CSPP1: variants seen among roughly 807,000 people sequenced by gnomAD.
The protein encoded by CSPP1 is centrosome and spindle pole-associated protein 1.
A neutral mutation model predicts 164.4 loss-of-function variants in CSPP1; 126 were observed. The observed-to-expected ratio is 0.77, with a 90% confidence interval of 0.66 to 0.89. The LOEUF is 0.89. CSPP1 is among the 40% of genes least tolerant of loss of function. CSPP1 has a pLI of 0.00. For synonymous variants in CSPP1, 472 were observed against 476.7 expected, an observed-to-expected ratio of 0.99 and a Z score of 0.13; for missense variants, 1,395 against 1,449.8, an observed-to-expected ratio of 0.96 and a Z score of 0.61.
At chr8:67,088,296 G>C (rs375588229) in intron 4 of CSPP1, among the ~76,000 whole-genome samples, 2 of 150,268 alleles carry the variant, frequency 1.3e-5, no homozygotes, top group African/African-American at 4.9e-5. Flanking sequence ...TTGTTTTTTG[G>C]TTTTTTTTTG....
At chr8:67,107,950 A>G (rs1184763438) in intron 9 of CSPP1, among the ~76,000 whole-genome samples, 4 of 143,134 alleles carry the variant, frequency 2.8e-5, no homozygotes, top group Non-Finnish European at 6.1e-5. Flanking sequence ...GATTAATTTC[A>G]GTTATTTCAA....
intron 2 of CSPP1, among the ~76,000 whole-genome samples, chr8:67,075,627 C>T (rs1056257350): frequency 6.6e-6 from 1 of 152,162 alleles, no homozygotes; most frequent in African/African-American, 2.4e-5. Flanking sequence ...GGCTTTGACC[C>T]CTGGCAGCCT....
chr8:67,193,542 G>C lies in CSPP1; in HGVS notation c.3409G>C (p.Val1137Leu). The change falls in exon 30 of 31, where the codon GTG (valine) becomes CTG (leucine). Residue 1137 changes from valine (V) to leucine (L), a missense_variant. Physicochemically the swap from Val to Leu is conservative, Grantham distance 32. Coordinates refer to ENST00000678616, the MANE Select transcript of CSPP1 (RefSeq NM_001382391.1). Reference sequence around the variant, plus strand: ...CAGTGTAAATGTTGATGAGCTTAGAGTGAGAAATGAGGAACGAATGCGAAG... The same window carrying C: ...CAGTGTAAATGTTGATGAGCTTAGACTGAGAAATGAGGAACGAATGCGAAG... The part of the protein sequence containing the change: ...ISSVNVDELR[V>L]RNEERMRRLN... 1 of 1,613,742 alleles carries C rather than the reference G, an allele frequency of 6.2e-7. No homozygotes were observed. Among genetic ancestry groups the C allele is most frequent in the Non-Finnish European group, 8.5e-7 (1 of 1,179,614 alleles).
chr8:67,070,041 C>A (rs1806397059), intron 1 of CSPP1, among the ~76,000 whole-genome samples: 1 of 51,716 alleles, frequency 1.9e-5, no homozygotes, highest in Admixed American at 2.7e-4. Flanking sequence ...TTATTCCTAT[C>A]AGACATAGAA....
At chr8:67,175,080 G>T in intron 25 of CSPP1, 1 of 495,294 alleles carries the variant, frequency 2.0e-6, no homozygotes. Flanking sequence ...CCTTATGTTG[G>T]TAAGTTTGTG....
chr8:67,113,732 T>A, intron 10 of CSPP1, 73 bp from the exon 11 acceptor site: 1 of 760,996 alleles, frequency 1.3e-6, no homozygotes, highest in Non-Finnish European at 2.2e-6. Context: ...TGTATAAGCT[T>A]CTTTCAGTGA....
chr8:67,085,332 A>G (rs1290690744), intron 3 of CSPP1, among the ~76,000 whole-genome samples: 2 of 151,948 alleles, frequency 1.3e-5, no homozygotes, highest in Admixed American at 1.3e-4. Flanking sequence ...AGTTTTTAGG[A>G]ATTTCATCCT....
At chr8:67,178,036 C>T (rs1428945476) in intron 27 of CSPP1, among the ~76,000 whole-genome samples, 1 of 152,114 alleles carries the variant, frequency 6.6e-6, no homozygotes, top group Non-Finnish European at 1.5e-5. Flanking sequence ...GATAATAGTA[C>T]ATAAATTAAT....
intron 23 of CSPP1, 47 bp downstream of exon 23, chr8:67,163,845 AC>A (rs1828829181): frequency 2.8e-6 from 4 of 1,409,820 alleles, no homozygotes; most frequent in Admixed American, 1.9e-5. Flanking sequence ...TCTCTTTTTA[AC>A]TTTTCATTTT....
At chr8:67,182,448 G>A (rs1305581684) in intron 28 of CSPP1, among the ~76,000 whole-genome samples, 1 of 152,132 alleles carries the variant, frequency 6.6e-6, no homozygotes, top group African/African-American at 2.4e-5. Flanking sequence ...CCTATGAATA[G>A]GTGTACAATT....
chr8:67,191,324 C>T (rs745833048), intron 29 of CSPP1, among the ~76,000 whole-genome samples: 6 of 152,166 alleles, frequency 3.9e-5, no homozygotes, highest in Non-Finnish European at 8.8e-5. Context: ...TTATATATGA[C>T]GTGAAGATGC....
At chr8:67,118,939 T>A in intron 15 of CSPP1, 118 bp downstream of exon 15, 1 of 682,890 alleles carries the variant, frequency 1.5e-6, no homozygotes, top group Non-Finnish European at 2.6e-6. Context: ...ATTTAATATT[T>A]TCATAATGTG....
chr8:67,069,903 A>G (rs1585793206), intron 1 of CSPP1, among the ~76,000 whole-genome samples: 1 of 151,896 alleles, frequency 6.6e-6, no homozygotes, highest in Admixed American at 6.5e-5. Context: ...CAGGTGATCC[A>G]CCTGCCTCAC....
chr8:67,161,823 C>A lies in CSPP1; in HGVS notation c.2551C>A (p.Pro851Thr). 1 of 1,611,850 alleles carries A rather than the reference C, an allele frequency of 6.2e-7. No homozygotes were observed. The highest frequency in any genetic ancestry group is 8.5e-7 in the Non-Finnish European group (1 of 1,178,778). Residue 851 changes from proline (P) to threonine (T), a missense_variant, in exon 22 of 31, where the codon CCT becomes ACT. Coordinates refer to ENST00000678616, the MANE Select transcript of CSPP1 (RefSeq NM_001382391.1). ...IGEETKHMRQPSPIVPALQNK... is the reference protein window; with the variant it reads ...IGEETKHMRQTSPIVPALQNK... ...TTAAATTTTTCAGCACATGAGACAG[C>A]CTTCTCCTATAGTTCCTGCTCTTCA...
At chr8:67,159,828 CTCTTTCTTTCTTTCTTTCTT>C (rs1268807930) in intron 21 of CSPP1, among the ~76,000 whole-genome samples, 1 of 134,094 alleles carries the variant, frequency 7.5e-6, no homozygotes, top group African/African-American at 3.1e-5. Context: ...GGCCTTCTCT[CTCTTTCTTTCTTTCTTTCTT>C]TCTTTTTCTT....
chr8:67,065,431 A>G (rs889084839), intron 1 of CSPP1: 1 of 441,416 alleles, frequency 2.3e-6, no homozygotes, highest in Non-Finnish European at 3.0e-6. Context: ...TGGAAAATGC[A>G]GGGGCTTAAA....
chr8:67,150,852 C>T (rs1425513464), intron 18 of CSPP1, among the ~76,000 whole-genome samples: 1 of 152,188 alleles, frequency 6.6e-6, no homozygotes, highest in African/African-American at 2.4e-5. Flanking sequence ...AAATTTAATA[C>T]AGCACCTCAC....
chr8:67,130,690 T>TA (rs1821049439), intron 15 of CSPP1, among the ~76,000 whole-genome samples: 1 of 152,204 alleles, frequency 6.6e-6, no homozygotes, highest in Admixed American at 6.5e-5. Flanking sequence ...AAAGCTTTTT[T>TA]AAAATTATAA....
chr8:67,114,993 G>C (rs1468361785), intron 12 of CSPP1: 1 of 152,228 alleles, frequency 6.6e-6, no homozygotes, highest in Non-Finnish European at 1.5e-5. Flanking sequence ...AGTGTGGCCT[G>C]TGACCAAATT....
Sources: gnomAD v4.1 joint callset for allele counts (sites outside exome capture counted in the v4.1 genomes callset) on GRCh38, gnomAD v4.1.1 for gene constraint, MANE v1.5 for transcripts, NCBI Gene and HGNC (gene_info 2026-07-23, HGNC 2026-07-21) for gene names.